Variants in ANKRD31 observed in about 807,000 individuals in gnomAD.
ANKRD31 encodes the protein ankyrin repeat domain-containing protein 31.
In ANKRD31, 147 loss-of-function variants were observed where a neutral mutation model predicts 186.0. That is an observed-to-expected ratio of 0.79 (90% confidence interval 0.69 to 0.91). ANKRD31 has a LOEUF of 0.91. Among genes scored for constraint, ANKRD31 ranks in the 40% least tolerant of loss-of-function variants. The probability of loss-of-function intolerance (pLI) is 0.00; values close to 1 mark genes in which losing one functional copy is unlikely to be tolerated. For synonymous variants in ANKRD31, 673 were observed against 736.4 expected (o/e 0.91, Z 1.39); for missense variants, 1,986 against 2,148.8 (o/e 0.92, Z 1.50).
intron 25 of ANKRD31, among the ~76,000 whole-genome samples, chr5:75,079,042 T>C (rs1328345782): frequency 6.6e-6 from 1 of 152,228 alleles, no homozygotes; most frequent in Non-Finnish European, 1.5e-5. Flanking sequence ...AAGTCTTTAA[T>C]TAGAAAGAAC....
intron 19 of ANKRD31, among the ~76,000 whole-genome samples, chr5:75,114,221 G>C (rs900752109): frequency 6.6e-6 from 1 of 152,026 alleles, no homozygotes; most frequent in African/African-American, 2.4e-5. Flanking sequence ...AGCTAAACCA[G>C]GCTGCTTAAT....
intron 11 of ANKRD31, among the ~76,000 whole-genome samples, 164 bp downstream of exon 11, chr5:75,168,815 C>T (rs1158108674): frequency 2.0e-5 from 3 of 152,076 alleles, no homozygotes; most frequent in African/African-American, 4.8e-5. Context: ...ATATTACACA[C>T]AACAAACCCA....
intron 17 of ANKRD31, among the ~76,000 whole-genome samples, chr5:75,125,317 G>C (rs1242667051): frequency 1.3e-5 from 2 of 152,108 alleles, no homozygotes; most frequent in East Asian, 3.8e-4. Flanking sequence ...TATTTATTTA[G>C]ATTTTATGAA....
At chr5:75,139,764 C>T (rs564954276) in intron 15 of ANKRD31, among the ~76,000 whole-genome samples, 1 of 152,272 alleles carries the variant, frequency 6.6e-6, no homozygotes, top group African/African-American at 2.4e-5. Flanking sequence ...AATCTGAACT[C>T]ACGCACTCCA....
At chr5:75,137,398 G>A (rs1750672472) in intron 17 of ANKRD31, among the ~76,000 whole-genome samples, 1 of 151,800 alleles carries the variant, frequency 6.6e-6, no homozygotes, top group African/African-American at 2.4e-5. Flanking sequence ...TTTTACAACG[G>A]GTGCTTGATA....
chr5:75,203,434 T>G (rs1755941841), intron 5 of ANKRD31, among the ~76,000 whole-genome samples: 2 of 151,864 alleles, frequency 1.3e-5, no homozygotes, highest in Admixed American at 6.6e-5. Flanking sequence ...GAGACCCAGG[T>G]GGGTGGATCA....
intron 4 of ANKRD31, among the ~76,000 whole-genome samples, chr5:75,208,958 A>G (rs7448834): frequency 0.19 from 28,510 of 152,122 alleles, 3,482 homozygotes; most frequent in African/African-American, 0.35. Context: ...TTTTTATTCT[A>G]TAAATCTTTC....
In ANKRD31 at chr5:75,154,266, T is replaced by G; in HGVS notation, c.1787A>C (p.Lys596Thr). 1 of 1,535,998 alleles carries G rather than the reference T, an allele frequency of 6.5e-7. No homozygotes were observed. The highest frequency in any genetic ancestry group is 8.7e-7 in the Non-Finnish European group (1 of 1,146,184). Residue 596 changes from lysine (K) to threonine (T), a missense_variant, in exon 12 of 26, where the codon AAG (lysine) becomes ACG (threonine). Physicochemically the swap from Lys to Thr is moderately conservative, Grantham distance 78 (BLOSUM62 -1). Coordinates refer to ENST00000506364, the MANE Select transcript of ANKRD31 (RefSeq NM_001372053.1). Reference protein sequence around the residue: ...DDGKCALDEAKDLCMKRLLER... With the variant: ...DDGKCALDEATDLCMKRLLER... ...AAGGAGACGCTTCATACATAAATCC[T>G]TGGCCTCATCCAAAGCACATTTTCC...
intron 17 of ANKRD31, among the ~76,000 whole-genome samples, chr5:75,132,594 A>T (rs1749964519): frequency 6.6e-6 from 1 of 152,230 alleles, no homozygotes; most frequent in Non-Finnish European, 1.5e-5. Context: ...AACACTCTGC[A>T]GGATATTATC....
rs1261762442 is a variant in ANKRD31, at chr5:75,146,693, G to A, written c.2718C>T (p.Cys906=). The A allele has an allele frequency of 2.6e-6, 4 of 1,536,044 alleles. No homozygotes were observed. The highest frequency in any genetic ancestry group is 4.9e-5 in the East Asian group (2 of 40,880). Residue 906 remains cysteine, a synonymous_variant, in exon 14 of 26, where the codon TGC becomes TGT. Transcript: ENST00000506364. ...ATGTTATAGCCTTCTCAGAGGTAGA[G>A]CAATCATCATCATCATCATTATCAG... The part of the protein sequence containing the change: ...ENSDNDDDDD[C]STSEKAITSK...
intron 25 of ANKRD31, 90 bp from the exon 26 acceptor site, chr5:75,068,754 T>G: frequency 7.6e-7 from 1 of 1,315,922 alleles, no homozygotes; most frequent in Non-Finnish European, 9.9e-7. Flanking sequence ...TCCAATCAAG[T>G]CTATTTGAGA....
chr5:75,158,397 C>G lies in ANKRD31; in HGVS notation c.1708-4052G>C, dbSNP rs186091407. Among the ~76,000 whole-genome samples, 187 of 152,224 alleles carry G rather than the reference C, an allele frequency of 1.2e-3. 1 individual carries two copies. Among genetic ancestry groups the G allele is most frequent in the Non-Finnish European group, 2.1e-3 (140 of 68,004 alleles). On this transcript the variant is annotated intron_variant, in intron 11 of 25. Coordinates refer to ENST00000506364, the MANE Select transcript of ANKRD31 (RefSeq NM_001372053.1). ...TGCACACTGTGAGGGAAATAGACTT[C>G]ACAACTTATCAAACAAAGAAGCAAC... is the stretch of plus-strand genomic sequence containing the variant.
Position 75,112,229 on chromosome 5 carries a change from T to C in ANKRD31, c.4243+284A>G, listed in dbSNP as rs997573486. ...CCTCAGCCTCCCGAGTAGCTGGCAC[T>C]ACAAGCGCCCGCCAGCATCTAGAAG... On this transcript the variant is annotated intron_variant, in intron 20 of 25. Transcript: ENST00000506364. Among the ~76,000 whole-genome samples, 12 of 152,150 alleles carry C rather than the reference T, an allele frequency of 7.9e-5. 1 individual carries two copies. The highest frequency in any genetic ancestry group is 3.3e-4 in the Admixed American group (5 of 15,258).
chr5:75,107,780 T>C (rs1747453853), intron 20 of ANKRD31, among the ~76,000 whole-genome samples, 163 bp from the exon 21 acceptor site: 1 of 151,986 alleles, frequency 6.6e-6, no homozygotes, highest in African/African-American at 2.4e-5. Flanking sequence ...TTTAACAATG[T>C]CAATCTATGG....
rs1753706090 is a variant in ANKRD31, at chr5:75,175,362, CT to C, written c.1565-6242del. Among the ~76,000 whole-genome samples the C allele has an allele frequency of 3.3e-5, 5 of 152,088 alleles. No individual in the cohort carries two copies. The South Asian group carries it at 1.0e-3, about 32-fold the overall frequency. ...AACCTGCATGTTGTGCACATGTACCCTAGAGCTTCAAGTATATTAAAAAAAG... is the reference window on the plus strand; with the variant it reads ...AACCTGCATGTTGTGCACATGTACCCAGAGCTTCAAGTATATTAAAAAAAG... On this transcript the variant is annotated intron_variant, in intron 10 of 25. Coordinates refer to ENST00000506364, the MANE Select transcript of ANKRD31 (RefSeq NM_001372053.1).
chr5:75,174,131 C>T (rs924027265), intron 10 of ANKRD31, among the ~76,000 whole-genome samples: 3 of 152,006 alleles, frequency 2.0e-5, no homozygotes, highest in African/African-American at 7.2e-5. Flanking sequence ...AATGGGGAAA[C>T]GATTCCCTAT....
intron 23 of ANKRD31, 148 bp downstream of exon 23, chr5:75,091,113 G>T: frequency 1.3e-6 from 1 of 789,252 alleles, no homozygotes; most frequent in Non-Finnish European, 1.9e-6. Flanking sequence ...CATGTAGCAT[G>T]ATATGCATAC....
intron 10 of ANKRD31, among the ~76,000 whole-genome samples, chr5:75,169,922 A>T (rs529914563): frequency 6.6e-6 from 1 of 152,288 alleles, no homozygotes; most frequent in East Asian, 1.9e-4. Flanking sequence ...ACATGTTTCC[A>T]GAAACTGCCA....
chr5:75,149,476 A>T (rs1751707186), intron 12 of ANKRD31, among the ~76,000 whole-genome samples: 1 of 151,962 alleles, frequency 6.6e-6, no homozygotes, highest in Non-Finnish European at 1.5e-5. Context: ...CTGCATAATG[A>T]AGTATGACAT....
Sources: allele counts gnomAD v4.1 joint callset (sites outside exome capture counted in the v4.1 genomes callset), GRCh38; gene constraint gnomAD v4.1.1; transcripts MANE v1.5; gene names NCBI Gene and HGNC (gene_info 2026-07-23, HGNC 2026-07-21).